The following RALGAPA2 variants were observed in gnomAD, a reference collection of about 807,000 sequenced individuals.
RALGAPA2 encodes the protein Ral GTPase activating protein catalytic subunit alpha 2.
RALGAPA2 carries 139 observed loss-of-function variants against 230.4 expected under a neutral mutation model. The observed-to-expected ratio is 0.60, with a 90% confidence interval of 0.53 to 0.69. RALGAPA2 has a LOEUF of 0.69. Ranked by LOEUF, RALGAPA2 falls within the 30% of genes least tolerant of loss-of-function variation. The pLI, the probability that RALGAPA2 is intolerant of heterozygous loss-of-function variation, is 0.00. For missense variants in RALGAPA2, 2,163 were observed against 2,276.0 expected (o/e 0.95, Z 1.01); for synonymous variants, 847 against 837.8 (o/e 1.01, Z -0.19).
rs1249774014 is a variant in RALGAPA2 at position 20,637,393 on chromosome 20, T to C, written c.775A>G (p.Lys259Glu). The C allele has an allele frequency of 3.8e-6, 6 of 1,597,936 alleles. No individual in the cohort carries two copies. The highest frequency in any genetic ancestry group is 4.3e-6 in the Non-Finnish European group (5 of 1,170,234). Residue 259 changes from lysine (K) to glutamate (E), a missense_variant, in exon 8 of 40, where the codon AAG becomes GAG. Coordinates refer to ENST00000202677, the MANE Select transcript of RALGAPA2 (RefSeq NM_020343.4). ...ACAGGTTTGTAGATGTTTGTTAACT[T>C]AGTAAATGATGGAAATAAATGAGGA... Reference protein sequence around the residue: ...YLPHLFPSFTKLTNIYKPVLD... With the variant: ...YLPHLFPSFTELTNIYKPVLD...
intron 10 of RALGAPA2, among the ~76,000 whole-genome samples, chr20:20,628,936 T>C (rs2066579580): frequency 6.6e-6 from 1 of 152,172 alleles, no homozygotes; most frequent in Non-Finnish European, 1.5e-5. Flanking sequence ...CACACGCCTC[T>C]GCAGAGTTTT....
intron 21 of RALGAPA2, 105 bp downstream of exon 21, chr20:20,572,770 T>C: frequency 1.0e-6 from 1 of 966,462 alleles, no homozygotes; most frequent in Non-Finnish European, 1.4e-6. Flanking sequence ...AATGTACCAT[T>C]TGTGTTTCGG....
chr20:20,458,776 A>ATATATATATAGACC (rs2061211299), intron 37 of RALGAPA2, among the ~76,000 whole-genome samples: 18 of 8,024 alleles, frequency 2.2e-3, no homozygotes, highest in Non-Finnish European at 3.8e-3. Context: ...ATATAGACCT[A>ATATATATATAGACC]TATATATATA....
At chr20:20,409,821 A>C (rs556089823) in intron 38 of RALGAPA2, among the ~76,000 whole-genome samples, 147 of 152,338 alleles carry the variant, frequency 9.6e-4, no homozygotes, top group Non-Finnish European at 1.7e-3. Context: ...AGTTCAAATC[A>C]AGATTATATC....
intron 1 of RALGAPA2, among the ~76,000 whole-genome samples, chr20:20,691,008 T>A (rs2068884922): frequency 1.3e-5 from 2 of 152,168 alleles, no homozygotes; most frequent in South Asian, 4.1e-4. Context: ...GATGCCTGAC[T>A]CCCCCATTTC....
chr20:20,704,536 T>C (rs1003855115), intron 1 of RALGAPA2, among the ~76,000 whole-genome samples: 5 of 152,190 alleles, frequency 3.3e-5, no homozygotes, highest in South Asian at 2.1e-4. Flanking sequence ...ATGGGCTTCC[T>C]CTCACTCTCC....
chr20:20,664,728 T>C (rs543774816), intron 3 of RALGAPA2, among the ~76,000 whole-genome samples: 3 of 152,308 alleles, frequency 2.0e-5, no homozygotes, highest in Non-Finnish European at 4.4e-5. Flanking sequence ...ACAGTTTCTA[T>C]AGGAGTGATG....
chr20:20,583,287 A>G, intron 19 of RALGAPA2, 61 bp from the exon 20 acceptor site: 1 of 1,478,002 alleles, frequency 6.8e-7, no homozygotes. Context: ...GAATGTTCAC[A>G]ATTACTGATA....
chr20:20,475,383 T>C (rs186884674), intron 36 of RALGAPA2, among the ~76,000 whole-genome samples: 7 of 152,298 alleles, frequency 4.6e-5, no homozygotes, highest in African/African-American at 1.4e-4. Context: ...GAATTTTCCA[T>C]TGGAACTCAA....
intron 1 of RALGAPA2, among the ~76,000 whole-genome samples, chr20:20,695,958 A>C (rs960115773): frequency 1.6e-4 from 24 of 151,894 alleles, no homozygotes; most frequent in African/African-American, 5.8e-4. Context: ...TTCTCCAGCC[A>C]CTGACAGATC....
intron 24 of RALGAPA2, among the ~76,000 whole-genome samples, chr20:20,544,116 T>A (rs1029724054): frequency 6.6e-6 from 1 of 151,608 alleles, no homozygotes; most frequent in Non-Finnish European, 1.5e-5. Context: ...CCAGTTAGAA[T>A]CATTAAAAAG....
intron 16 of RALGAPA2, chr20:20,598,915 A>T (rs1048961531): frequency 1.1e-5 from 4 of 358,566 alleles, no homozygotes; most frequent in Non-Finnish European, 2.2e-5. Context: ...AAACATTTAA[A>T]GGAGGTCATT....
chr20:20,423,246 T>G (rs1390913871), intron 37 of RALGAPA2, among the ~76,000 whole-genome samples: 1 of 152,030 alleles, frequency 6.6e-6, no homozygotes, highest in East Asian at 1.9e-4. Flanking sequence ...AAGGGATTCC[T>G]GGGGGACAAC....
At chr20:20,699,936 C>T (rs1384480330) in intron 1 of RALGAPA2, among the ~76,000 whole-genome samples, 1 of 151,994 alleles carries the variant, frequency 6.6e-6, no homozygotes, top group African/African-American at 2.4e-5. Flanking sequence ...ACCATTTGAC[C>T]CAGCAATTCC....
At chr20:20,588,288 G>A (rs1433760315) in intron 18 of RALGAPA2, among the ~76,000 whole-genome samples, 1 of 152,186 alleles carries the variant, frequency 6.6e-6, no homozygotes, top group African/African-American at 2.4e-5. Context: ...CCACATCACA[G>A]AAAACTTGAT....
intron 28 of RALGAPA2, 98 bp downstream of exon 28, chr20:20,526,154 G>T: frequency 1.0e-6 from 1 of 954,800 alleles, no homozygotes; most frequent in Non-Finnish European, 1.5e-6. Flanking sequence ...TTAATAGTTG[G>T]TTCTCTAACA....
intron 36 of RALGAPA2, among the ~76,000 whole-genome samples, chr20:20,478,573 G>A (rs1301517741): frequency 1.3e-5 from 2 of 151,916 alleles, no homozygotes; most frequent in Admixed American, 1.3e-4. Context: ...AATTAACATA[G>A]GAACAGAAAA....
At chr20:20,662,390 G>A (rs1053348598) in intron 3 of RALGAPA2, among the ~76,000 whole-genome samples, 13 of 151,946 alleles carry the variant, frequency 8.6e-5, no homozygotes, top group African/African-American at 2.9e-4. Context: ...AATCAACATT[G>A]TGATTCGCAT....
chr20:20,488,330 G>A (rs907673293), intron 36 of RALGAPA2, among the ~76,000 whole-genome samples: 8 of 152,188 alleles, frequency 5.3e-5, no homozygotes, highest in African/African-American at 1.9e-4. Context: ...CAAAAGTGTG[G>A]AGGATTGTCA....
Sources: gnomAD v4.1 joint callset for allele counts (sites outside exome capture counted in the v4.1 genomes callset) on GRCh38, gnomAD v4.1.1 for gene constraint, MANE v1.5 for transcripts, NCBI Gene and HGNC (gene_info 2026-07-23, HGNC 2026-07-21) for gene names.